Variants in PTPN22 observed in about 807,000 individuals in gnomAD.
PTPN22 encodes protein tyrosine phosphatase non-receptor type 22, also known as tyrosine-protein phosphatase non-receptor type 22.
Under a neutral mutation model 103.3 loss-of-function variants are expected in PTPN22, and 85 were observed. That is an observed-to-expected ratio of 0.82 (90% CI 0.69 to 0.99). The LOEUF is 0.99. PTPN22 is among the 50% of genes least tolerant of loss of function. PTPN22 has a pLI of 0.00. For synonymous variants in PTPN22, 323 were observed against 310.2 expected (o/e 1.04, Z -0.43); for missense variants, 865 against 936.9 (o/e 0.92, Z 1.00).
At chr1:113,854,630 G>A in intron 8 of PTPN22, 93 bp from the exon 9 acceptor site, 1 of 1,277,338 alleles carries the variant, frequency 7.8e-7, no homozygotes, top group Non-Finnish European at 1.1e-6. Flanking sequence ...GCAGATTTGA[G>A]GAAGAAGATA....
At chr1:113,815,018 G>C (rs755326185) in intron 20 of PTPN22, 49 bp from the exon 21 acceptor site, 8 of 1,331,724 alleles carry the variant, frequency 6.0e-6, no homozygotes, top group Non-Finnish European at 7.4e-6. Context: ...TTTAAGTATA[G>C]AAATGAATAC....
intron 19 of PTPN22, 46 bp downstream of exon 19, chr1:113,825,096 T>C (rs1225514141): frequency 1.5e-6 from 2 of 1,347,840 alleles, no homozygotes. Context: ...AAATAAAAAT[T>C]ACAAAATTGA....
chr1:113,817,518 G>C (rs1661257316), intron 20 of PTPN22, among the ~76,000 whole-genome samples: 1 of 152,036 alleles, frequency 6.6e-6, no homozygotes, highest in Non-Finnish European at 1.5e-5. Context: ...GCTCACTGCA[G>C]CCTCAACCTC....
chr1:113,862,681 GA>G (rs1665721041), intron 1 of PTPN22, among the ~76,000 whole-genome samples: 1 of 152,152 alleles, frequency 6.6e-6, no homozygotes, highest in Non-Finnish European at 1.5e-5. Flanking sequence ...TTAGGGAGAG[GA>G]AAATTAAACT....
chr1:113,833,044 T>C, intron 16 of PTPN22, 67 bp downstream of exon 16: 1 of 1,438,860 alleles, frequency 6.9e-7, no homozygotes, highest in Non-Finnish European at 9.7e-7. Context: ...TGAATTACTC[T>C]AAACTTAACG....
At chr1:113,856,523 A>G in intron 6 of PTPN22, 25 bp downstream of exon 6, 1 of 1,614,198 alleles carries the variant, frequency 6.2e-7, no homozygotes, top group Non-Finnish European at 8.5e-7. Flanking sequence ...CTTTACTCAG[A>G]CATGAGAACA....
intron 19 of PTPN22, chr1:113,819,952 TG>T: frequency 5.3e-6 from 1 of 190,472 alleles, no homozygotes; most frequent in Non-Finnish European, 1.1e-5. Flanking sequence ...AGCATTTTTT[TG>T]TTTTTTTTTT....
chr1:113,858,642 CCTT>C, intron 3 of PTPN22, 69 bp from the exon 4 acceptor site: 1 of 958,892 alleles, frequency 1.0e-6, no homozygotes, highest in Admixed American at 3.0e-5. Context: ...TCCTCCGCTT[CCTT>C]TTTTTTTTTT....
chr1:113,838,002 C>T (rs1558031492), exon 13 of PTPN22: 5 of 1,613,992 alleles, frequency 3.1e-6, no homozygotes, highest in Non-Finnish European at 4.2e-6. Flanking sequence ...AAAAGTTTTC[C>T]TTGCTGTCCA....
chr1:113,867,982 A>C (rs1380199230), intron 1 of PTPN22, among the ~76,000 whole-genome samples: 1 of 152,230 alleles, frequency 6.6e-6, no homozygotes, highest in Non-Finnish European at 1.5e-5. Flanking sequence ...GACCTCTTGT[A>C]TATTTTAAAT....
At chr1:113,855,729 G>T (rs1664998560) in intron 7 of PTPN22, among the ~76,000 whole-genome samples, 1 of 152,042 alleles carries the variant, frequency 6.6e-6, no homozygotes, top group African/African-American at 2.4e-5. Context: ...ACTTACTATT[G>T]GTTTGTCCCC....
chr1:113,819,652 T>C, exon 20 of PTPN22: 1 of 1,591,498 alleles, frequency 6.3e-7, no homozygotes, highest in Non-Finnish European at 8.6e-7. Flanking sequence ...GAATTACAGA[T>C]ACCTAGAATC....
At chr1:113,853,747 T>A (rs34877889) in intron 9 of PTPN22, among the ~76,000 whole-genome samples, 32,721 of 151,240 alleles carry the variant, frequency 0.22, 4,395 homozygotes, top group South Asian at 0.38. Context: ...AGTGGCTCAA[T>A]CTCAGCTCAC....
intron 18 of PTPN22, chr1:113,829,179 G>C (rs1662337274): frequency 6.6e-6 from 1 of 151,614 alleles, no homozygotes; most frequent in Non-Finnish European, 1.5e-5. Context: ...GTTTCCTTGG[G>C]CATCTTTTAC....
At chr1:113,851,233 A>G (rs888312945) in intron 10 of PTPN22, among the ~76,000 whole-genome samples, 4 of 149,560 alleles carry the variant, frequency 2.7e-5, no homozygotes, top group Admixed American at 2.7e-4. Context: ...GCCCTCTGCA[A>G]CCTCCACCTC....
At chr1:113,814,945 G>A in exon 21 of PTPN22, 1 of 1,606,046 alleles carries the variant, frequency 6.2e-7, no homozygotes, top group Non-Finnish European at 8.5e-7. Context: ...TGGTCCTTTG[G>A]GTTTTGAAAA....
rs770484454 is a variant in PTPN22 at position 113,829,563 on chromosome 1, A to G, written c.2250+29T>C. 2.9e-6 allele frequency: 4 copies of G among 1,356,758 alleles called. No individual in the cohort carries two copies. In the African/African-American group the frequency reaches 4.4e-5, roughly 15 times the overall value. The allele number at this position is 1,356,758 out of a possible 1,614,324, so 84.0% of individuals were successfully genotyped here. On this transcript the variant is annotated intron_variant, in intron 18 of 20. Coordinates refer to ENST00000359785, the Ensembl canonical transcript of PTPN22. The stretch of plus-strand genomic sequence containing the variant: ...CTTTCAGTAAGGGAAAGTTTCCGGC[A>G]TGTTTCCCAAAACTCTTATCTTCTT...
rs150627879 is a variant in PTPN22 at position 113,842,451 on chromosome 1, G to A, written c.916-3831C>T. On this transcript the variant is annotated intron_variant, in intron 11 of 20. Coordinates refer to ENST00000359785, the Ensembl canonical transcript of PTPN22. ...AGCACTTTGGGAGGCCGAGGCCGGC[G>A]GATCACGAAGTCAAGAGATTGAGAC... Among the ~76,000 whole-genome samples the A allele has an allele frequency of 6.2e-3, 939 of 152,164 alleles. 39 individuals carry two copies. The highest frequency in any genetic ancestry group is 0.043 in the Admixed American group (664 of 15,294).
chr1:113,861,332 C>T (rs543024853), intron 1 of PTPN22, among the ~76,000 whole-genome samples: 2 of 152,114 alleles, frequency 1.3e-5, no homozygotes, highest in Admixed American at 1.3e-4. Flanking sequence ...CCTCTGCCAC[C>T]CAGGTTCAAG....
Sources: gnomAD v4.1 joint callset for allele counts (sites outside exome capture counted in the v4.1 genomes callset) on GRCh38, gnomAD v4.1.1 for gene constraint, MANE v1.5 for transcripts, NCBI Gene and HGNC (gene_info 2026-07-23, HGNC 2026-07-21) for gene names.